Variants in ICMT observed in about 807,000 individuals in gnomAD.
ICMT encodes the protein isoprenylcysteine carboxyl methyltransferase, also known as protein-S-isoprenylcysteine O-methyltransferase.
A neutral mutation model predicts 32.2 loss-of-function variants in ICMT; 10 were observed. That is an observed-to-expected ratio of 0.31 (90% confidence interval 0.19 to 0.53). The LOEUF is 0.53. Ranked by LOEUF, ICMT falls within the 20% of genes least tolerant of loss-of-function variation. The pLI, the probability that ICMT is intolerant of heterozygous loss-of-function variation, is 0.96. For synonymous variants in ICMT, 183 were observed against 158.2 expected, an observed-to-expected ratio of 1.16 and a Z score of -1.18; for missense variants, 265 against 356.9, an observed-to-expected ratio of 0.74 and a Z score of 2.07.
chr1:6,221,205 A>T lies in ICMT; in HGVS notation c.*3875T>A, dbSNP rs1224785369. 2.0e-5 allele frequency: 3 copies of T among 152,648 alleles called. No individual in the cohort carries two copies. Among genetic ancestry groups the T allele is most frequent in the African/African-American group, 7.2e-5 (3 of 41,478 alleles). The allele number at this position is 152,648 out of a possible 1,614,324, so 9.5% of individuals were successfully genotyped here. A position where few individuals can be genotyped will look rare whatever the true frequency, so the allele number is the denominator to read the frequency against. On this transcript the variant is annotated 3_prime_UTR_variant, in exon 5 of 5. Coordinates refer to ENST00000343813, the MANE Select transcript of ICMT (RefSeq NM_012405.4). ...AATCACACTGTGGTTGAGTGAAATCAAGTGCAGTTTTATTTAAGAACTGGA... is the reference window on the plus strand; with the variant it reads ...AATCACACTGTGGTTGAGTGAAATCTAGTGCAGTTTTATTTAAGAACTGGA...
At chr1:6,231,610 G>C (rs1668738325) in intron 4 of ICMT, among the ~76,000 whole-genome samples, 1 of 151,928 alleles carries the variant, frequency 6.6e-6, no homozygotes, top group Non-Finnish European at 1.5e-5. Context: ...GGATACAGCA[G>C]GTAGCTAACA....
At position 6,223,020 on chromosome 1, in the gene ICMT, G is replaced by A. The variant is rs1232506780; in HGVS notation, c.*2060C>T. On this transcript the variant is annotated 3_prime_UTR_variant, in exon 5 of 5. Transcript: ENST00000343813. ...GTGGATCCTTTACTCCAGAAAAATTGTAATGATGGCTCGGCCACCGCCTTG... is the reference window on the plus strand; with the variant it reads ...GTGGATCCTTTACTCCAGAAAAATTATAATGATGGCTCGGCCACCGCCTTG... 1 of 152,248 alleles carries A rather than the reference G, an allele frequency of 6.6e-6. No individual in the cohort carries two copies. Among genetic ancestry groups the A allele is most frequent in the African/African-American group, 2.4e-5 (1 of 41,470 alleles). 9.4% of individuals were successfully genotyped at this position (152,248 alleles called of 1,614,324 possible).
chr1:6,233,519 G>C lies in ICMT; in HGVS notation c.409C>G (p.Leu137Val), dbSNP rs1326726238. The C allele has an allele frequency of 1.9e-6, 3 of 1,613,960 alleles. No homozygotes were observed. The highest frequency in any genetic ancestry group is 1.3e-5 in the African/African-American group (1 of 74,930). The change falls in exon 3 of 5, where the codon CTT becomes GTT. Residue 137 changes from leucine (L) to valine (V), a missense_variant. Around this residue, in one of 2 missense-constraint regions of ICMT, gnomAD observed 166 missense variants for 264.3 expected, o/e 0.63. Coordinates refer to ENST00000343813, the MANE Select transcript of ICMT (RefSeq NM_012405.4). ...NHSLEYTVAA[L>V]SSWLEFTLEN... Reference sequence around the variant, plus strand: ...AGTGTGAACTCTAACCAAGAAGAAAGAGCAGCTACTGTATACTCCAGGCTG... The same window carrying C: ...AGTGTGAACTCTAACCAAGAAGAAACAGCAGCTACTGTATACTCCAGGCTG...
chr1:6,235,713 G>A lies in ICMT; in HGVS notation c.195+4C>T. On this transcript the variant is annotated splice_donor_region_variant and intron_variant, in intron 1 of 4. Coordinates refer to ENST00000343813, the MANE Select transcript of ICMT (RefSeq NM_012405.4). ...GGCCCCCGCCGGCCCCCGCCGGCCTGCACCTGGTAGCGAGGCGGCCGATAG... is the reference window on the plus strand; with the variant it reads ...GGCCCCCGCCGGCCCCCGCCGGCCTACACCTGGTAGCGAGGCGGCCGATAG... The A allele has an allele frequency of 1.6e-6, 2 of 1,260,936 alleles. No individual in the cohort carries two copies. The highest frequency in any genetic ancestry group is 2.0e-6 in the Non-Finnish European group (2 of 995,778). 78.1% of individuals were successfully genotyped at this position (1,260,936 alleles called of 1,614,324 possible).
At chr1:6,234,644 G>A (rs1225913947) in intron 2 of ICMT, 14 of 553,084 alleles carry the variant, frequency 2.5e-5, no homozygotes, top group Non-Finnish European at 1.6e-5. Flanking sequence ...AGCTGCGGAT[G>A]ACAGCACCTT....
rs977582402 is a variant in ICMT, at chr1:6,222,557, A to G, written c.*2523T>C. On this transcript the variant is annotated 3_prime_UTR_variant, in exon 5 of 5. Transcript: ENST00000343813. The stretch of plus-strand genomic sequence containing the variant: ...CTGGAATTCCTCTCCAAAGCAGAGT[A>G]CGTCAAGTTTTCCCTGGTGTCAGAC... 1 of 152,264 alleles carries G rather than the reference A, an allele frequency of 6.6e-6. No individual in the cohort carries two copies. The highest frequency in any genetic ancestry group is 1.5e-5 in the Non-Finnish European group (1 of 68,062). The allele number at this position is 152,264 out of a possible 1,614,324, so 9.4% of individuals were successfully genotyped here.
At chr1:6,235,404 C>A (rs1344358436) in intron 1 of ICMT, among the ~76,000 whole-genome samples, 1 of 152,160 alleles carries the variant, frequency 6.6e-6, no homozygotes, top group Non-Finnish European at 1.5e-5. Flanking sequence ...CACGTCACTG[C>A]GGGGCCTTTG....
chr1:6,233,721 G>A, intron 2 of ICMT, 78 bp from the exon 3 acceptor site: 1 of 1,241,610 alleles, frequency 8.1e-7, no homozygotes. Flanking sequence ...GGTCTCCTGA[G>A]CTGTCCCTAA....
rs1553151024 is a variant in ICMT at position 6,235,680 on chromosome 1, G to GC, written c.195+36dup. 3,394 of 1,146,710 alleles carry GC rather than the reference G, an allele frequency of 3.0e-3. 95 individuals carry two copies. The African/African-American group carries it at 0.052, about 18-fold the overall frequency. The allele number at this position is 1,146,710 out of a possible 1,614,324, so 71.0% of individuals were successfully genotyped here. A position where few individuals can be genotyped will look rare whatever the true frequency, so the allele number is the denominator to read the frequency against. ...CGCCGCGCCAAGCGGACCGCCGCCC[G>GC]CCCCGCCGGCCCCCGCCGGCCCCCG... On this transcript the variant is annotated intron_variant, in intron 1 of 4. Transcript: ENST00000343813.
chr1:6,225,950 G>A (rs538093398), intron 4 of ICMT, among the ~76,000 whole-genome samples: 1 of 151,974 alleles, frequency 6.6e-6, no homozygotes, highest in African/African-American at 2.4e-5. Flanking sequence ...AACTGCTTGG[G>A]CTCAAGTGAT....
intron 4 of ICMT, among the ~76,000 whole-genome samples, chr1:6,228,638 G>T (rs1216398335): frequency 6.6e-6 from 1 of 150,662 alleles, no homozygotes; most frequent in Non-Finnish European, 1.5e-5. Flanking sequence ...CACCATGCCC[G>T]GCCAGCCAAG....
At chr1:6,234,170 C>T (rs1668779465) in intron 2 of ICMT, among the ~76,000 whole-genome samples, 2 of 152,116 alleles carry the variant, frequency 1.3e-5, no homozygotes, top group Admixed American at 6.5e-5. Flanking sequence ...CCACCGCGCC[C>T]GGCAAGGGAC....
In ICMT at chr1:6,231,979, G is replaced by C; in HGVS notation, c.595C>G (p.Leu199Val). 1 of 1,614,088 alleles carries C rather than the reference G, an allele frequency of 6.2e-7. No individual in the cohort carries two copies. The highest frequency in any genetic ancestry group is 8.5e-7 in the Non-Finnish European group (1 of 1,179,976). ...CAAGCGTACACTCCACTGGTCACCA[G>C]AGTATGTGTATCTGATTTTTCATTC... ...VQNEKSDTHT[L>V]VTSGVYAWFR... Residue 199 changes from leucine (L) to valine (V), a missense_variant, in exon 4 of 5, where the codon CTG becomes GTG. Physicochemically the swap from Leu to Val is conservative, Grantham distance 32. This residue lies in a region of ICMT where 166 missense variants were observed against 264.3 expected (regional missense o/e 0.63). Coordinates refer to ENST00000343813, the MANE Select transcript of ICMT (RefSeq NM_012405.4).
intron 4 of ICMT, among the ~76,000 whole-genome samples, chr1:6,226,534 C>T (rs1344959971): frequency 2.0e-5 from 3 of 152,172 alleles, no homozygotes; most frequent in Non-Finnish European, 4.4e-5. Flanking sequence ...CCCCAACATA[C>T]ATTTTCTGTA....
intron 4 of ICMT, 30 bp downstream of exon 4, chr1:6,231,872 A>AT: frequency 7.4e-7 from 1 of 1,343,476 alleles, no homozygotes; most frequent in Non-Finnish European, 1.0e-6. Flanking sequence ...AAAAAAAAAA[A>AT]GAAAAGCAGT....
At chr1:6,227,781 A>G (rs898740455) in intron 4 of ICMT, among the ~76,000 whole-genome samples, 2 of 152,118 alleles carry the variant, frequency 1.3e-5, no homozygotes, top group Non-Finnish European at 2.9e-5. Flanking sequence ...GCGTGAACCC[A>G]GGAGGCGGAG....
intron 4 of ICMT, 34 bp downstream of exon 4, chr1:6,231,868 A>G (rs752267626): frequency 5.1e-6 from 7 of 1,361,392 alleles, no homozygotes; most frequent in East Asian, 4.7e-5. Flanking sequence ...TAAAAAAAAA[A>G]AAAAGAAAAG....
At chr1:6,226,217 G>A (rs4908867) in intron 4 of ICMT, among the ~76,000 whole-genome samples, 5,997 of 152,148 alleles carry the variant, frequency 0.039, 127 homozygotes, top group Middle Eastern at 0.058. Flanking sequence ...CCAACATGGC[G>A]AATCCCCGTC....
chr1:6,234,111 G>A (rs59874837), intron 2 of ICMT, among the ~76,000 whole-genome samples: 6,169 of 152,196 alleles, frequency 0.041, 135 homozygotes, highest in Middle Eastern at 0.061. Context: ...TCCTGACCTC[G>A]TGATCTGCCC....
Sources: gnomAD v4.1 joint callset for allele counts (sites outside exome capture counted in the v4.1 genomes callset) on GRCh38, gnomAD v4.1.1 for gene constraint, gnomAD v4.1.1 regional missense constraint, MANE v1.5 for transcripts, NCBI Gene and HGNC (gene_info 2026-07-23, HGNC 2026-07-21) for gene names.